HS3ST3A1: variants seen among roughly 807,000 people sequenced by gnomAD.
The protein encoded by HS3ST3A1 is heparan sulfate glucosamine 3-O-sulfotransferase 3A1.
In HS3ST3A1, 19 loss-of-function variants were observed where a neutral mutation model predicts 25.7. The ratio of observed to expected loss-of-function variants is 0.74; its 90% CI spans 0.52 to 1.08. The LOEUF (loss-of-function observed/expected upper bound fraction) is 1.08, where lower values mean the gene tolerates loss of function less well. HS3ST3A1 is among the 50% of genes least tolerant of loss of function. The pLI is 0.00. For synonymous variants in HS3ST3A1, 226 were observed against 278.6 expected, an observed-to-expected ratio of 0.81 and a Z score of 1.88; for missense variants, 459 against 594.3, an observed-to-expected ratio of 0.77 and a Z score of 2.37.
chr17:13,510,392 G>A (rs182163095), intron 1 of HS3ST3A1, among the ~76,000 whole-genome samples: 91 of 152,330 alleles, frequency 6.0e-4, no homozygotes, highest in Middle Eastern at 6.8e-3. Context: ...ACAATCTAAG[G>A]AGAGTGGGGA....
intron 1 of HS3ST3A1, among the ~76,000 whole-genome samples, chr17:13,508,372 A>C (rs553519775): frequency 6.6e-6 from 1 of 152,352 alleles, no homozygotes; most frequent in East Asian, 1.9e-4. Flanking sequence ...TGAAAAGATA[A>C]CGAATCCATC....
intron 1 of HS3ST3A1, among the ~76,000 whole-genome samples, chr17:13,573,716 C>A (rs969922215): frequency 2.0e-5 from 3 of 152,110 alleles, no homozygotes; most frequent in Non-Finnish European, 4.4e-5. Flanking sequence ...AATGTTTGTA[C>A]CCCTCCCCCA....
chr17:13,509,094 A>C (rs1230024129), intron 1 of HS3ST3A1, among the ~76,000 whole-genome samples: 1 of 152,152 alleles, frequency 6.6e-6, no homozygotes. Context: ...CCTGGCATTT[A>C]AACAGAAAGA....
At chr17:13,593,935 G>A (rs1567632844) in intron 1 of HS3ST3A1, among the ~76,000 whole-genome samples, 1 of 152,084 alleles carries the variant, frequency 6.6e-6, no homozygotes, top group Admixed American at 6.5e-5. Context: ...CCCAGGATCC[G>A]ACCAAGGGCA....
At position 13,496,097 on chromosome 17, in the gene HS3ST3A1, G is replaced by A. The variant is rs1201768720; in HGVS notation, c.*100C>T. The A allele has an allele frequency of 1.5e-6, 2 of 1,327,770 alleles. No individual in the cohort carries two copies. The highest frequency in any genetic ancestry group is 2.0e-6 in the Non-Finnish European group (2 of 1,002,024). 82.2% of individuals were successfully genotyped at this position (1,327,770 alleles called of 1,614,324 possible). A position where few individuals can be genotyped will look rare whatever the true frequency, so the allele number is the denominator to read the frequency against. On this transcript the variant is annotated 3_prime_UTR_variant, in exon 2 of 2. Coordinates refer to ENST00000284110, the MANE Select transcript of HS3ST3A1 (RefSeq NM_006042.3). ...CTTAACATTCATTGAAAAAAATACT[G>A]AAACATATTTTCAGCACAAATATTA...
rs190268728 is a variant in HS3ST3A1, at chr17:13,581,443, G to C, written c.599+19088C>G. 2.0e-5 allele frequency among the ~76,000 whole-genome samples: 3 copies of C among 148,952 alleles called. No individual in the cohort carries two copies. In the East Asian group the frequency reaches 6.1e-4, roughly 30 times the overall value. Reference sequence around the variant, plus strand: ...GATCGAGCCACTGCACTCCAGCCTGGGTGATGAAGTGAGACTCTATCTCAA... The same window carrying C: ...GATCGAGCCACTGCACTCCAGCCTGCGTGATGAAGTGAGACTCTATCTCAA... On this transcript the variant is annotated intron_variant, in intron 1 of 1. Transcript: ENST00000284110.
intron 1 of HS3ST3A1, among the ~76,000 whole-genome samples, chr17:13,502,480 C>T (rs1380537200): frequency 6.6e-6 from 1 of 152,098 alleles, no homozygotes; most frequent in Non-Finnish European, 1.5e-5. Flanking sequence ...CCGATATATG[C>T]AAGAAAGAAT....
At chr17:13,558,161 C>T (rs1907432151) in intron 1 of HS3ST3A1, among the ~76,000 whole-genome samples, 1 of 152,088 alleles carries the variant, frequency 6.6e-6, no homozygotes, top group Admixed American at 6.6e-5. Flanking sequence ...GCCTGTAGCT[C>T]CTTGCTGCTT....
At position 13,519,331 on chromosome 17, in the gene HS3ST3A1, G is replaced by A. The variant is rs528836427; in HGVS notation, c.600-22513C>T. Among the ~76,000 whole-genome samples the A allele has an allele frequency of 2.0e-5, 3 of 152,276 alleles. No homozygotes were observed. The East Asian group carries it at 5.8e-4, about 29-fold the overall frequency. On this transcript the variant is annotated intron_variant, in intron 1 of 1. Coordinates refer to ENST00000284110, the MANE Select transcript of HS3ST3A1 (RefSeq NM_006042.3). ...ATTGGCTTTTGTTCTTATCTATCAC[G>A]CTGATAGGTTGAACATCAGTGAATG...
Position 13,600,758 on chromosome 17 carries a change from C to G in HS3ST3A1, c.372G>C (p.Pro124=). Residue 124 remains proline, a synonymous_variant, in exon 1 of 2, where the codon CCG becomes CCC. Transcript: ENST00000284110. ...CGGTGCTTCCGGCCCCGGAGCCGCC[C>G]GGACCCCCTGACAGGCCAGGGGACT... is the stretch of plus-strand genomic sequence containing the variant. ...EEESPGLSGG[P]GGSGAGSTVA... 3 of 1,513,858 alleles carry G rather than the reference C, an allele frequency of 2.0e-6. No homozygotes were observed. The highest frequency in any genetic ancestry group is 2.6e-6 in the Non-Finnish European group (3 of 1,138,110). The allele number at this position is 1,513,858 out of a possible 1,614,324, so 93.8% of individuals were successfully genotyped here. A position where few individuals can be genotyped will look rare whatever the true frequency, so the allele number is the denominator to read the frequency against.
chr17:13,586,385 A>G (rs966926739), intron 1 of HS3ST3A1, among the ~76,000 whole-genome samples: 7 of 151,566 alleles, frequency 4.6e-5, no homozygotes, highest in Admixed American at 4.6e-4. Flanking sequence ...ACCGAGAACT[A>G]GATTTCCACA....
chr17:13,509,005 C>T (rs1423753766), intron 1 of HS3ST3A1, among the ~76,000 whole-genome samples: 6 of 151,740 alleles, frequency 4.0e-5, no homozygotes, highest in African/African-American at 1.2e-4. Flanking sequence ...CTTGCCTCAC[C>T]CTGGTCCTGG....
chr17:13,570,714 C>G (rs886418421), intron 1 of HS3ST3A1, among the ~76,000 whole-genome samples: 1 of 152,192 alleles, frequency 6.6e-6, no homozygotes, highest in African/African-American at 2.4e-5. Context: ...GGGCAATTCG[C>G]CAGCCTCAGC....
At chr17:13,525,696 C>T (rs1437477488) in intron 1 of HS3ST3A1, among the ~76,000 whole-genome samples, 1 of 152,132 alleles carries the variant, frequency 6.6e-6, no homozygotes, top group Admixed American at 6.5e-5. Context: ...TGACTCTGTT[C>T]TTCTAAACGA....
chr17:13,600,971 G>T lies in HS3ST3A1; in HGVS notation c.159C>A (p.Val53=). 3.2e-6 allele frequency: 5 copies of T among 1,554,886 alleles called. No individual in the cohort carries two copies. The South Asian group carries it at 4.7e-5, about 15-fold the overall frequency. The change falls in exon 1 of 2, where the codon GTC becomes GTA. Residue 53 remains valine (V), a synonymous_variant. Coordinates refer to ENST00000284110, the MANE Select transcript of HS3ST3A1 (RefSeq NM_006042.3). ...AERCQTLSGP[V]VGLSGGGEEA... ...CCTCGCCGCCGCCGGACAGCCCCAC[G>T]ACGGGGCCGGACAGGGTCTGGCAGC...
chr17:13,588,814 G>C (rs1165812567), intron 1 of HS3ST3A1, among the ~76,000 whole-genome samples: 3 of 151,974 alleles, frequency 2.0e-5, no homozygotes, highest in Non-Finnish European at 4.4e-5. Flanking sequence ...CTCCCAAGTA[G>C]CTGGGACTAC....
At chr17:13,580,734 A>T (rs1225679263) in intron 1 of HS3ST3A1, among the ~76,000 whole-genome samples, 1 of 152,088 alleles carries the variant, frequency 6.6e-6, no homozygotes, top group Non-Finnish European at 1.5e-5. Flanking sequence ...TCTACTAAAA[A>T]TACAAAATTA....
intron 1 of HS3ST3A1, among the ~76,000 whole-genome samples, chr17:13,538,934 A>G (rs1039828914): frequency 5.3e-5 from 8 of 152,296 alleles, no homozygotes; most frequent in African/African-American, 1.9e-4. Flanking sequence ...TTTGCTCATA[A>G]TTCTGAAATT....
At chr17:13,592,003 A>G (rs1337042789) in intron 1 of HS3ST3A1, among the ~76,000 whole-genome samples, 1 of 152,096 alleles carries the variant, frequency 6.6e-6, no homozygotes, top group Non-Finnish European at 1.5e-5. Flanking sequence ...CAAGATCAGA[A>G]TGTCCAAGTC....
Sources: gnomAD v4.1 joint callset for allele counts (sites outside exome capture counted in the v4.1 genomes callset) on GRCh38, gnomAD v4.1.1 for gene constraint, MANE v1.5 for transcripts, NCBI Gene and HGNC (gene_info 2026-07-23, HGNC 2026-07-21) for gene names.